ERO1B: variants seen among roughly 807,000 people sequenced by gnomAD.
The protein encoded by ERO1B is endoplasmic reticulum oxidoreductase 1 beta.
ERO1B carries 49 observed loss-of-function variants against 75.3 expected under a neutral mutation model. The ratio of observed to expected loss-of-function variants is 0.65; its 90% CI spans 0.52 to 0.83. The LOEUF is 0.83. Among genes scored for constraint, ERO1B ranks in the 40% least tolerant of loss-of-function variants. ERO1B has a pLI of 0.00. For missense variants in ERO1B, 512 were observed against 560.1 expected (o/e 0.91, Z 0.87); for synonymous variants, 191 against 192.9 (o/e 0.99, Z 0.08).
chr1:236,230,244 G>T lies in ERO1B; in HGVS notation c.692C>A (p.Ser231Ter). Residue 231 changes from serine to a stop codon, truncating the protein, a stop_gained, in exon 10 of 16, where the codon TCA becomes TAA. Transcript: ENST00000354619. LOFTEE classifies it high-confidence loss of function. ...TTTACCTTCTAGCCATGTGTAGAATGATTCTCCTGAGAGAGAGAGAAAAGT... is the reference window on the plus strand; with the variant it reads ...TTTACCTTCTAGCCATGTGTAGAATTATTCTCCTGAGAGAGAGAGAAAAGT... The part of the protein sequence containing the change: ...APSRGEDDGE[S>*]FYTWLEGLCL... 1 of 1,592,812 alleles carries T rather than the reference G, an allele frequency of 6.3e-7. No individual in the cohort carries two copies.
At chr1:236,230,611 CAAAAAAAAAAAA>C (rs397983348) in intron 9 of ERO1B, among the ~76,000 whole-genome samples, 19 of 58,594 alleles carry the variant, frequency 3.2e-4, no homozygotes, top group South Asian at 1.4e-3. Context: ...GACCCTGTCT[CAAAAAAAAAAAA>C]AAAAAAAAAA....
In ERO1B at chr1:236,216,957, C is replaced by T. The variant is rs1376063307; in HGVS notation, c.*1559G>A. The T allele has an allele frequency of 1.3e-5, 2 of 151,850 alleles. No homozygotes were observed. The highest frequency in any genetic ancestry group is 4.8e-5 in the African/African-American group (2 of 41,374). The allele number at this position is 151,850 out of a possible 1,614,324, so 9.4% of individuals were successfully genotyped here. Reference sequence around the variant, plus strand: ...ACAACTTAACAAAAAATACTACCACCATCAACAACAAAACCCCAAGTTTAT... The same window carrying T: ...ACAACTTAACAAAAAATACTACCACTATCAACAACAAAACCCCAAGTTTAT... On this transcript the variant is annotated 3_prime_UTR_variant, in exon 16 of 16. Transcript: ENST00000354619.
intron 2 of ERO1B, chr1:236,267,866 G>A (rs529957760): frequency 1.3e-5 from 2 of 152,150 alleles, no homozygotes; most frequent in East Asian, 3.9e-4. Flanking sequence ...ATATTACATG[G>A]ATTTTTGGAG....
intron 1 of ERO1B, among the ~76,000 whole-genome samples, chr1:236,273,810 G>GAAAAA (rs71176476): frequency 9.7e-6 from 1 of 102,732 alleles, no homozygotes; most frequent in Non-Finnish European, 2.1e-5. Context: ...TGTCTCAAAA[G>GAAAAA]AAAAAAAAAA....
At chr1:236,222,198 C>T (rs1664165882) in intron 13 of ERO1B, among the ~76,000 whole-genome samples, 188 bp from the exon 14 acceptor site, 1 of 152,196 alleles carries the variant, frequency 6.6e-6, no homozygotes, top group African/African-American at 2.4e-5. Flanking sequence ...CAACCTCCAC[C>T]TCCCAGGTTC....
intron 4 of ERO1B, 74 bp downstream of exon 4, chr1:236,251,976 C>A: frequency 9.1e-7 from 1 of 1,102,192 alleles, no homozygotes; most frequent in East Asian, 2.5e-5. Context: ...TTCTTTACTA[C>A]AGCCACTGTC....
At chr1:236,221,772 T>TTA in intron 14 of ERO1B, 152 bp downstream of exon 14, 1 of 517,134 alleles carries the variant, frequency 1.9e-6, no homozygotes, top group Non-Finnish European at 3.3e-6. Context: ...CACATATACT[T>TTA]TAATTTTTTC....
intron 10 of ERO1B, among the ~76,000 whole-genome samples, chr1:236,227,141 G>T (rs1055668389): frequency 9.2e-5 from 14 of 152,144 alleles, no homozygotes; most frequent in Admixed American, 3.9e-4. Context: ...TTATTTGCTA[G>T]CAGAGAAATA....
intron 15 of ERO1B, 123 bp from the exon 16 acceptor site, chr1:236,218,699 G>T: frequency 1.2e-6 from 1 of 840,450 alleles, no homozygotes; most frequent in Non-Finnish European, 1.5e-6. Context: ...CTCAAACACT[G>T]AAGCTTCCAT....
In ERO1B at chr1:236,221,926, G is replaced by C. The variant is rs778311644; in HGVS notation, c.1207C>G (p.Gln403Glu). The C allele has an allele frequency of 6.2e-7, 1 of 1,611,142 alleles. No individual in the cohort carries two copies. Among genetic ancestry groups the C allele is most frequent in the South Asian group, 1.1e-5 (1 of 91,008 alleles). The change falls in exon 14 of 16, where the codon CAG becomes GAG. Residue 403 changes from glutamine to glutamate, a missense_variant and splice_region_variant. Coordinates refer to ENST00000354619, the MANE Select transcript of ERO1B (RefSeq NM_019891.4). ...AAAAGAGAAGACAACACATATACCT[G>C]TAATTTTCCCCATAATCTGCATTTG... ...CDKCRLWGKL[Q>E]TQGLGTALKI... is the part of the protein sequence containing the mutation.
At chr1:236,223,294 G>T (rs896506683) in intron 13 of ERO1B, among the ~76,000 whole-genome samples, 7 of 151,968 alleles carry the variant, frequency 4.6e-5, no homozygotes, top group Admixed American at 2.6e-4. Flanking sequence ...TTTAAGGTTG[G>T]TCTCACTTTA....
At chr1:236,268,694 G>C (rs948113925) in intron 2 of ERO1B, among the ~76,000 whole-genome samples, 6 of 150,662 alleles carry the variant, frequency 4.0e-5, no homozygotes, top group African/African-American at 7.3e-5. Context: ...AGACCATCCT[G>C]GCTAACATGG....
chr1:236,228,483 C>A (rs1664327769), intron 10 of ERO1B, among the ~76,000 whole-genome samples: 1 of 152,214 alleles, frequency 6.6e-6, no homozygotes, highest in Non-Finnish European at 1.5e-5. Context: ...CTCAATCTCA[C>A]TCTGAAGTGA....
At chr1:236,268,653 A>T (rs10924905) in intron 2 of ERO1B, among the ~76,000 whole-genome samples, 11 of 150,378 alleles carry the variant, frequency 7.3e-5, no homozygotes, top group African/African-American at 2.4e-4. Context: ...TTGGGAGGCC[A>T]AGGCGGGCGG....
intron 2 of ERO1B, among the ~76,000 whole-genome samples, chr1:236,258,827 T>G (rs893426486): frequency 2.6e-5 from 4 of 152,190 alleles, no homozygotes; most frequent in African/African-American, 7.2e-5. Context: ...AGGCGGACGT[T>G]GCAGTGAGCC....
At chr1:236,252,701 C>T (rs774489994) in intron 3 of ERO1B, among the ~76,000 whole-genome samples, 15 of 151,952 alleles carry the variant, frequency 9.9e-5, no homozygotes, top group African/African-American at 1.5e-4. Context: ...GAACTTTAAA[C>T]GAAATACTTA....
intron 2 of ERO1B, among the ~76,000 whole-genome samples, chr1:236,265,876 C>A (rs1005274539): frequency 1.3e-5 from 2 of 152,150 alleles, no homozygotes; most frequent in African/African-American, 4.8e-5. Context: ...TTCCCCAAAC[C>A]TTCTCATGGC....
At chr1:236,243,310 A>T (rs1664759060) in intron 6 of ERO1B, 112 bp downstream of exon 6, 1 of 717,252 alleles carries the variant, frequency 1.4e-6, no homozygotes, top group Non-Finnish European at 2.2e-6. Context: ...TAAGGTCTAC[A>T]TAGCAAAATC....
chr1:236,230,261 G>A lies in ERO1B; in HGVS notation c.686-11C>T. 1.3e-6 allele frequency: 2 copies of A among 1,585,674 alleles called. No homozygotes were observed. The highest frequency in any genetic ancestry group is 1.7e-6 in the Non-Finnish European group (2 of 1,156,318). On this transcript the variant is annotated splice_polypyrimidine_tract_variant and intron_variant, in intron 9 of 15. Coordinates refer to ENST00000354619, the MANE Select transcript of ERO1B (RefSeq NM_019891.4). ...TGTAGAATGATTCTCCTGAGAGAGA[G>A]AGAAAAGTGGATTAAAACATTATAT... is the stretch of plus-strand genomic sequence containing the variant.
Sources: gnomAD v4.1 joint callset for allele counts (sites outside exome capture counted in the v4.1 genomes callset) on GRCh38, gnomAD v4.1.1 for gene constraint, MANE v1.5 for transcripts, NCBI Gene and HGNC (gene_info 2026-07-23, HGNC 2026-07-21) for gene names.